Variants in FNIP1 observed in about 807,000 individuals in gnomAD.
FNIP1 encodes the protein folliculin interacting protein 1.
In FNIP1, 40 loss-of-function variants were observed where a neutral mutation model predicts 124.5. The observed-to-expected ratio is 0.32, with a 90% CI of 0.25 to 0.42. The LOEUF is 0.42. Among genes scored for constraint, FNIP1 ranks in the 10% least tolerant of loss-of-function variants. The pLI, the probability that FNIP1 is intolerant of heterozygous loss-of-function variation, is 1.00. For missense variants in FNIP1, 1,176 were observed against 1,403.7 expected (o/e 0.84, Z 2.59); for synonymous variants, 472 against 470.6 (o/e 1.00, Z -0.04).
intron 1 of FNIP1, among the ~76,000 whole-genome samples, chr5:131,763,022 G>A (rs1225536328): frequency 6.6e-6 from 1 of 152,134 alleles, no homozygotes; most frequent in East Asian, 1.9e-4. Flanking sequence ...AGGCTGAGAA[G>A]GGTAGTGGCA....
At chr5:131,749,138 TAA>T (rs1393760485) in intron 1 of FNIP1, among the ~76,000 whole-genome samples, 2 of 152,192 alleles carry the variant, frequency 1.3e-5, no homozygotes, top group African/African-American at 4.8e-5. Flanking sequence ...ATTTTAAAAT[TAA>T]AAAGTTAATA....
rs202099819 is a variant in FNIP1 at position 131,709,234 on chromosome 5, T to G, written c.745A>C (p.Asn249His). ...GCTATGCCACTGTCTCTGTCCTCAT[T>G]GAGCTCTCTTCCAGGCATGTCCATT... is the stretch of plus-strand genomic sequence containing the variant. Reference protein sequence around the residue: ...NPMDMPGRELNEDRDSGIARS... With the variant: ...NPMDMPGRELHEDRDSGIARS... The change falls in exon 8 of 18, where the codon AAT (asparagine) becomes CAT (histidine). Residue 249 changes from asparagine (N) to histidine (H), a missense_variant. Around this residue, in one of 2 missense-constraint regions of FNIP1, gnomAD observed 1,109 missense variants for 1,288.5 expected, o/e 0.86. Transcript: ENST00000510461. The G allele has an allele frequency of 4.3e-6, 7 of 1,614,050 alleles. No homozygotes were observed. Among genetic ancestry groups the G allele is most frequent in the Non-Finnish European group, 5.9e-6 (7 of 1,179,914 alleles).
chr5:131,769,640 C>CAT (rs983884981), intron 1 of FNIP1, among the ~76,000 whole-genome samples: 2 of 152,182 alleles, frequency 1.3e-5, no homozygotes, highest in African/African-American at 4.8e-5. Context: ...TGCAAAAAGG[C>CAT]TTAATCCCAG....
At chr5:131,724,725 T>A (rs1769797082) in intron 3 of FNIP1, among the ~76,000 whole-genome samples, 1 of 152,262 alleles carries the variant, frequency 6.6e-6, no homozygotes, top group African/African-American at 2.4e-5. Flanking sequence ...TTTGTCAATT[T>A]TGGCTTTTGT....
chr5:131,725,681 C>T (rs1008762359), intron 3 of FNIP1, among the ~76,000 whole-genome samples: 2 of 152,028 alleles, frequency 1.3e-5, no homozygotes, highest in African/African-American at 2.4e-5. Flanking sequence ...ATTTGAATAC[C>T]CTTTATTTAT....
intron 2 of FNIP1, among the ~76,000 whole-genome samples, chr5:131,733,769 G>C (rs1482537622): frequency 6.6e-6 from 1 of 152,158 alleles, no homozygotes; most frequent in Non-Finnish European, 1.5e-5. Context: ...ATATTCATCA[G>C]GGATATTGGT....
At chr5:131,649,664 T>A (rs539770340) in intron 16 of FNIP1, among the ~76,000 whole-genome samples, 50 of 152,312 alleles carry the variant, frequency 3.3e-4, no homozygotes, top group Non-Finnish European at 1.5e-4. Flanking sequence ...ATCCAATTTA[T>A]CTATTTTTTT....
chr5:131,665,947 G>A (rs1767592132), intron 15 of FNIP1, among the ~76,000 whole-genome samples: 1 of 144,916 alleles, frequency 6.9e-6, no homozygotes, highest in African/African-American at 2.6e-5. Flanking sequence ...TGTCGCCCAG[G>A]CTGGAGTGCA....
At chr5:131,770,589 CAGA>C (rs967611452) in intron 1 of FNIP1, among the ~76,000 whole-genome samples, 3 of 152,168 alleles carry the variant, frequency 2.0e-5, no homozygotes, top group Non-Finnish European at 4.4e-5. Flanking sequence ...ATGCCAAAAA[CAGA>C]AGAATGGGCT....
intron 15 of FNIP1, among the ~76,000 whole-genome samples, chr5:131,667,564 CT>C (rs1290695062): frequency 1.5e-5 from 2 of 134,742 alleles, no homozygotes; most frequent in African/African-American, 5.1e-5. Flanking sequence ...GCTTTCTTCA[CT>C]TCTGTTTTTT....
intron 2 of FNIP1, among the ~76,000 whole-genome samples, chr5:131,739,673 C>T (rs1244182883): frequency 2.6e-5 from 4 of 151,836 alleles, no homozygotes; most frequent in South Asian, 2.1e-4. Context: ...GTTAGCCGGG[C>T]GTGGTGGCCG....
At chr5:131,681,242 G>A (rs1163320802) in intron 11 of FNIP1, among the ~76,000 whole-genome samples, 1 of 152,062 alleles carries the variant, frequency 6.6e-6, no homozygotes, top group Non-Finnish European at 1.5e-5. Flanking sequence ...GGATTGTGGG[G>A]GGCGGTGGTA....
intron 17 of FNIP1, among the ~76,000 whole-genome samples, chr5:131,646,608 T>C (rs1766889354): frequency 6.6e-6 from 1 of 152,150 alleles, no homozygotes; most frequent in Admixed American, 6.5e-5. Flanking sequence ...CAACTTCCCA[T>C]TCCTCCTTCA....
chr5:131,697,332 C>T (rs1768732521), intron 11 of FNIP1, among the ~76,000 whole-genome samples: 1 of 152,086 alleles, frequency 6.6e-6, no homozygotes, highest in Non-Finnish European at 1.5e-5. Context: ...ACTATGTTGC[C>T]CAGGCTAGTC....
In FNIP1 at chr5:131,709,276, T is replaced by C. The variant is rs779577899; in HGVS notation, c.707-4A>G. The C allele has an allele frequency of 3.5e-5, 57 of 1,612,656 alleles. No homozygotes were observed. The highest frequency in any genetic ancestry group is 8.3e-5 in the Admixed American group (5 of 59,986). On this transcript the variant is annotated splice_polypyrimidine_tract_variant and splice_region_variant and intron_variant, in intron 7 of 17. Coordinates refer to ENST00000510461, the MANE Select transcript of FNIP1 (RefSeq NM_133372.3). ...ATGTCCATTGGGTTGCTGTGAACTA[T>C]AAATAAAGATGAAACTGTCAGTTAT...
chr5:131,665,171 G>C (rs1342761021), intron 15 of FNIP1, among the ~76,000 whole-genome samples: 1 of 152,064 alleles, frequency 6.6e-6, no homozygotes, highest in African/African-American at 2.4e-5. Context: ...TTTCATTATA[G>C]CCAAAGAAAC....
chr5:131,796,649 G>C (rs919074399), intron 1 of FNIP1, 181 bp downstream of exon 1: 7 of 596,036 alleles, frequency 1.2e-5, no homozygotes, highest in Non-Finnish European at 2.0e-5. Context: ...TAAAATAAAA[G>C]GTAGGACCTC....
At chr5:131,790,901 G>A (rs1250603613) in intron 1 of FNIP1, among the ~76,000 whole-genome samples, 1 of 152,224 alleles carries the variant, frequency 6.6e-6, no homozygotes, top group Non-Finnish European at 1.5e-5. Flanking sequence ...TAAACTCTTA[G>A]AAGGAGGAGT....
intron 15 of FNIP1, among the ~76,000 whole-genome samples, chr5:131,657,540 A>C (rs959218887): frequency 6.6e-6 from 1 of 151,912 alleles, no homozygotes; most frequent in African/African-American, 2.4e-5. Flanking sequence ...ATGGAAAAGA[A>C]CCCCAGTGGA....
Sources: gnomAD v4.1 joint callset for allele counts (sites outside exome capture counted in the v4.1 genomes callset) on GRCh38, gnomAD v4.1.1 for gene constraint, gnomAD v4.1.1 regional missense constraint, MANE v1.5 for transcripts, NCBI Gene and HGNC (gene_info 2026-07-23, HGNC 2026-07-21) for gene names.